The following DDX60L variants were observed in gnomAD, a reference collection of about 807,000 sequenced individuals.
DDX60L encodes probable ATP-dependent RNA helicase DDX60-like.
Under a neutral mutation model 211.6 loss-of-function variants are expected in DDX60L, and 191 were observed. The ratio of observed to expected loss-of-function variants is 0.90; its 90% confidence interval spans 0.80 to 1.02. DDX60L has a LOEUF of 1.02. Among genes scored for constraint, DDX60L ranks in the 50% least tolerant of loss-of-function variants. The pLI is 0.00. For synonymous variants in DDX60L, 706 were observed against 694.1 expected, an observed-to-expected ratio of 1.02 and a Z score of -0.27; for missense variants, 2,007 against 1,984.1, an observed-to-expected ratio of 1.01 and a Z score of -0.22.
At chr4:168,404,895 G>T (rs780736102) in intron 24 of DDX60L, among the ~76,000 whole-genome samples, 1 of 152,114 alleles carries the variant, frequency 6.6e-6, no homozygotes, top group Non-Finnish European at 1.5e-5. Flanking sequence ...ATCATTTGAG[G>T]GGTGGCAAAT....
At chr4:168,401,840 G>T (rs892700084) in intron 25 of DDX60L, among the ~76,000 whole-genome samples, 1 of 152,064 alleles carries the variant, frequency 6.6e-6, no homozygotes, top group African/African-American at 2.4e-5. Context: ...ACAAAGACTA[G>T]GAAAGTCACA....
chr4:168,390,494 C>T (rs952146179), intron 29 of DDX60L: 12 of 1,392,348 alleles, frequency 8.6e-6, no homozygotes, highest in Non-Finnish European at 9.3e-6. Context: ...TGTAAAATCA[C>T]AGTCTTCATA....
rs747170819 is a variant in DDX60L, at chr4:168,378,369, A to T, written c.4470T>A (p.Ser1490Arg). Reference sequence around the variant, plus strand: ...CAAACTTTACCTTTGACTGAGAAAAACTTAAATTAGCATTTTGGAATTTTG... The same window carrying T: ...CAAACTTTACCTTTGACTGAGAAAATCTTAAATTAGCATTTTGGAATTTTG... ...IPAKFQNANL[S>R]FSQSKVILAE... Residue 1490 changes from serine (S) to arginine (R), a missense_variant, in exon 33 of 38, where the codon AGT (serine) becomes AGA (arginine). By Grantham distance (110) the Ser-to-Arg change is moderately radical. Coordinates refer to ENST00000682922, the MANE Select transcript of DDX60L (RefSeq NM_001012967.3). The T allele has an allele frequency of 3.5e-6, 5 of 1,440,404 alleles. No individual in the cohort carries two copies. Among genetic ancestry groups the T allele is most frequent in the Non-Finnish European group, 3.8e-6 (4 of 1,046,850 alleles). 89.2% of individuals were successfully genotyped at this position (1,440,404 alleles called of 1,614,324 possible). A position where few individuals can be genotyped will look rare whatever the true frequency, so the allele number is the denominator to read the frequency against.
At chr4:168,390,561 CA>C in intron 29 of DDX60L, 2 of 1,098,686 alleles carry the variant, frequency 1.8e-6, no homozygotes, top group Non-Finnish European at 2.5e-6. Context: ...AGGAAAATTT[CA>C]AGAATAAGCA....
chr4:168,463,441 G>A (rs552952938), intron 4 of DDX60L, among the ~76,000 whole-genome samples: 5 of 152,278 alleles, frequency 3.3e-5, no homozygotes, highest in African/African-American at 9.6e-5. Flanking sequence ...TTGGAGGGCG[G>A]AGGGTGGAGG....
intron 10 of DDX60L, among the ~76,000 whole-genome samples, chr4:168,437,875 T>TG (rs1554013260): frequency 2.0e-5 from 3 of 151,434 alleles, no homozygotes; most frequent in East Asian, 2.0e-4. Flanking sequence ...TTTTGGGTTT[T>TG]TTTGGTTTTG....
intron 1 of DDX60L, among the ~76,000 whole-genome samples, chr4:168,474,016 G>C (rs1759157396): frequency 6.6e-6 from 1 of 152,228 alleles, no homozygotes; most frequent in Non-Finnish European, 1.5e-5. Flanking sequence ...AACACCTGCT[G>C]TGTGACAGGC....
intron 8 of DDX60L, among the ~76,000 whole-genome samples, chr4:168,452,566 A>G (rs1450542087): frequency 6.6e-6 from 1 of 152,194 alleles, no homozygotes; most frequent in African/African-American, 2.4e-5. Flanking sequence ...ACTCACAAAA[A>G]TTAAAAATTT....
At chr4:168,361,413 G>A (rs1390291120) in intron 36 of DDX60L, 3 of 452,406 alleles carry the variant, frequency 6.6e-6, no homozygotes, top group Non-Finnish European at 1.2e-5. Flanking sequence ...GAGATAATTT[G>A]ACCATTATCA....
Position 168,427,157 on chromosome 4 carries a change from A to G in DDX60L, c.1843T>C (p.Cys615Arg). Residue 615 changes from cysteine (C) to arginine (R), a missense_variant, in exon 14 of 38, where the codon TGT (cysteine) becomes CGT (arginine). By Grantham distance (180) the Cys-to-Arg change is radical (BLOSUM62 -3). Transcript: ENST00000682922. ...CCAAATTTCACTGAATTACTTGCACATGATGTCAAATAATCTTCCAATTTC... is the reference window on the plus strand; with the variant it reads ...CCAAATTTCACTGAATTACTTGCACGTGATGTCAAATAATCTTCCAATTTC... ...IRKLEDYLTSCASNSVKFGVE... is the reference protein window; with the variant it reads ...IRKLEDYLTSRASNSVKFGVE... 1.2e-6 allele frequency: 2 copies of G among 1,610,816 alleles called. No individual in the cohort carries two copies. The highest frequency in any genetic ancestry group is 2.2e-5 in the East Asian group (1 of 44,840).
At chr4:168,439,341 C>A (rs965858634) in intron 10 of DDX60L, among the ~76,000 whole-genome samples, 3 of 151,938 alleles carry the variant, frequency 2.0e-5, no homozygotes, top group African/African-American at 7.3e-5. Flanking sequence ...AGAGCCTGAT[C>A]CAATCATCTC....
At chr4:168,418,775 A>G (rs1346971780) in intron 19 of DDX60L, among the ~76,000 whole-genome samples, 1 of 152,222 alleles carries the variant, frequency 6.6e-6, no homozygotes, top group African/African-American at 2.4e-5. Context: ...TCTCTGGCCA[A>G]TGAGTCTGAC....
chr4:168,432,397 A>C, intron 12 of DDX60L, 58 bp downstream of exon 12: 1 of 884,466 alleles, frequency 1.1e-6, no homozygotes. Context: ...ACTGTTAATA[A>C]AAAGAGCAGC....
chr4:168,373,195 G>A (rs1022324469), intron 35 of DDX60L, among the ~76,000 whole-genome samples: 1 of 152,014 alleles, frequency 6.6e-6, no homozygotes, highest in Non-Finnish European at 1.5e-5. Flanking sequence ...ATTCAATGTG[G>A]AATTTATTTC....
Position 168,404,013 on chromosome 4 carries a change from G to A in DDX60L, c.3307C>T (p.Gln1103Ter). 6.7e-7 allele frequency: 1 copy of A among 1,499,188 alleles called. No individual in the cohort carries two copies. Among genetic ancestry groups the A allele is most frequent in the Non-Finnish European group, 9.0e-7 (1 of 1,112,074 alleles). The allele number at this position is 1,499,188 out of a possible 1,614,324, so 92.9% of individuals were successfully genotyped here. A position where few individuals can be genotyped will look rare whatever the true frequency, so the allele number is the denominator to read the frequency against. Residue 1103 changes from glutamine to a stop codon, truncating the protein, a stop_gained, in exon 25 of 38, where the codon CAA (glutamine) becomes TAA (stop). Coordinates refer to ENST00000682922, the MANE Select transcript of DDX60L (RefSeq NM_001012967.3). LOFTEE classifies it high-confidence loss of function. ...MFPLLVEKLR[Q>*]MDKLPAIFFL... ...AATATTGCAGGCAACTTATCCATTTGTCTTAACTTTTCAACAAGAAGAGGA... is the reference window on the plus strand; with the variant it reads ...AATATTGCAGGCAACTTATCCATTTATCTTAACTTTTCAACAAGAAGAGGA...
chr4:168,375,332 G>A (rs775913541), intron 34 of DDX60L, 45 bp downstream of exon 34: 2 of 1,581,196 alleles, frequency 1.3e-6, no homozygotes, highest in Admixed American at 1.8e-5. Flanking sequence ...AACCAAGATT[G>A]TTTACTCTTT....
At chr4:168,440,763 T>C (rs971380552) in intron 10 of DDX60L, among the ~76,000 whole-genome samples, 4 of 152,324 alleles carry the variant, frequency 2.6e-5, no homozygotes, top group African/African-American at 9.6e-5. Context: ...ATCAGCACCT[T>C]TGTAATCATT....
chr4:168,401,155 T>C (rs1271440473), intron 25 of DDX60L, among the ~76,000 whole-genome samples, 177 bp from the exon 26 acceptor site: 3 of 152,308 alleles, frequency 2.0e-5, no homozygotes, highest in South Asian at 4.1e-4. Context: ...GGGTTCAACA[T>C]ACCTCTCGAT....
At chr4:168,416,577 A>G in intron 20 of DDX60L, 105 bp downstream of exon 20, 2 of 620,782 alleles carry the variant, frequency 3.2e-6, no homozygotes, top group Non-Finnish European at 5.0e-6. Context: ...TAATAAATTT[A>G]TTTGAAAGTT....
Sources: gnomAD v4.1 joint callset for allele counts (sites outside exome capture counted in the v4.1 genomes callset) on GRCh38, gnomAD v4.1.1 for gene constraint, MANE v1.5 for transcripts, NCBI Gene and HGNC (gene_info 2026-07-23, HGNC 2026-07-21) for gene names.